The following AGBL2 variants were observed in gnomAD, a reference collection of about 807,000 sequenced individuals.
AGBL2 encodes the protein AGBL carboxypeptidase 2.
AGBL2 carries 87 observed loss-of-function variants against 103.0 expected under a neutral mutation model. The observed-to-expected ratio is 0.84, with a 90% CI of 0.71 to 1.01. The LOEUF (loss-of-function observed/expected upper bound fraction) is 1.01. AGBL2 is among the 50% of genes least tolerant of loss of function. The pLI is 0.00. For synonymous variants in AGBL2, 335 were observed against 356.7 expected (o/e 0.94, Z 0.69); for missense variants, 904 against 1,023.5 (o/e 0.88, Z 1.59).
chr11:47,704,341 G>A (rs1599078620), intron 7 of AGBL2, among the ~76,000 whole-genome samples: 1 of 151,846 alleles, frequency 6.6e-6, no homozygotes, highest in Admixed American at 6.6e-5. Context: ...TTAGCTGGGC[G>A]TGGTGGTGTG....
At chr11:47,678,419 T>C (rs912128243) in intron 13 of AGBL2, among the ~76,000 whole-genome samples, 10 of 149,154 alleles carry the variant, frequency 6.7e-5, no homozygotes, top group African/African-American at 2.5e-4. Context: ...CTGCAACCTC[T>C]GCCTCCCAGG....
At chr11:47,707,601 G>C (rs958338527) in intron 4 of AGBL2, among the ~76,000 whole-genome samples, 1 of 152,088 alleles carries the variant, frequency 6.6e-6, no homozygotes, top group Non-Finnish European at 1.5e-5. Flanking sequence ...CACAACACGT[G>C]GGAATTTAAG....
intron 13 of AGBL2, among the ~76,000 whole-genome samples, chr11:47,678,511 T>A (rs2097387148): frequency 6.7e-6 from 1 of 149,664 alleles, no homozygotes; most frequent in Non-Finnish European, 1.5e-5. Flanking sequence ...ATTTTTGTAT[T>A]TTTAGTAGAG....
intron 8 of AGBL2, among the ~76,000 whole-genome samples, chr11:47,696,404 A>C (rs2097474206): frequency 1.3e-5 from 2 of 151,876 alleles, no homozygotes; most frequent in African/African-American, 2.4e-5. Flanking sequence ...CTGGGACTAC[A>C]GGTGCGCACC....
chr11:47,709,429 GAGA>G (rs888379029), intron 4 of AGBL2, among the ~76,000 whole-genome samples: 2 of 152,056 alleles, frequency 1.3e-5, no homozygotes, highest in African/African-American at 4.8e-5. Context: ...TGGTTTGAGG[GAGA>G]AGTTCAACTG....
chr11:47,679,902 A>G (rs2097394749), intron 13 of AGBL2, 71 bp downstream of exon 13: 1 of 1,009,520 alleles, frequency 9.9e-7, no homozygotes, highest in East Asian at 2.5e-5. Flanking sequence ...TCAGCCTCCC[A>G]AAGTGCTAGG....
intron 1 of AGBL2, 143 bp from the exon 2 acceptor site, chr11:47,714,893 C>T: frequency 1.8e-6 from 1 of 543,118 alleles, no homozygotes; most frequent in Non-Finnish European, 3.3e-6. Flanking sequence ...AGAGGTGCAT[C>T]TGAGACAGGG....
At chr11:47,704,348 T>C (rs1396276467) in intron 7 of AGBL2, among the ~76,000 whole-genome samples, 195 bp downstream of exon 7, 1 of 151,306 alleles carries the variant, frequency 6.6e-6, no homozygotes, top group African/African-American at 2.4e-5. Flanking sequence ...GGCGTGGTGG[T>C]GTGCGCCTGT....
intron 14 of AGBL2, among the ~76,000 whole-genome samples, chr11:47,671,360 CA>C (rs574965604): frequency 3.4e-5 from 5 of 148,480 alleles, no homozygotes; most frequent in South Asian, 4.2e-4. Context: ...ACTAAAAATA[CA>C]AAAAAAAAAT....
Position 47,668,835 on chromosome 11 carries a change from G to T in AGBL2, c.2214+6C>A, listed in dbSNP as rs749633475. Reference sequence around the variant, plus strand: ...GCTATTTCCTGGGTATAAGAGTTCAGCTTACCTCATCTGCTATGTTTGCTA... The same window carrying T: ...GCTATTTCCTGGGTATAAGAGTTCATCTTACCTCATCTGCTATGTTTGCTA... On this transcript the variant is annotated splice_donor_region_variant and intron_variant, in intron 15 of 18. Coordinates refer to ENST00000525123, the MANE Select transcript of AGBL2 (RefSeq NM_024783.4). 16 of 1,610,732 alleles carry T rather than the reference G, an allele frequency of 9.9e-6. No homozygotes were observed. The highest frequency in any genetic ancestry group is 4.4e-5 in the South Asian group (4 of 91,004).
In AGBL2 at chr11:47,690,823, T is replaced by A. The variant is rs1456366877; in HGVS notation, c.884A>T (p.Asp295Val). The A allele has an allele frequency of 1.2e-6, 2 of 1,612,918 alleles. No individual in the cohort carries two copies. The highest frequency in any genetic ancestry group is 2.7e-5 in the African/African-American group (2 of 74,982). ...TYEYELTLRT[D>V]LYTNKHTQWF... ...CTGAGTGTGTTTGTTAGTGTAGAGG[T>A]CAGTTCGCAAGGTGAGTTCATACTC... The change falls in exon 10 of 19, where the codon GAC becomes GTC. Residue 295 changes from aspartate to valine, a missense_variant. Asp to Val is a radical substitution (Grantham distance 152). Transcript: ENST00000525123.
intron 11 of AGBL2, among the ~76,000 whole-genome samples, chr11:47,683,177 C>T (rs4752859): frequency 0.017 from 2,551 of 151,900 alleles, 71 homozygotes; most frequent in African/African-American, 0.058. Flanking sequence ...TTGAGACCAG[C>T]CTGGCCAAGA....
At chr11:47,698,583 G>A (rs891244967) in intron 8 of AGBL2, among the ~76,000 whole-genome samples, 3 of 151,994 alleles carry the variant, frequency 2.0e-5, no homozygotes, top group Admixed American at 2.0e-4. Flanking sequence ...AGCCTTTTTC[G>A]TTTTGAAATT....
intron 11 of AGBL2, 130 bp downstream of exon 11, chr11:47,685,763 G>T: frequency 9.8e-7 from 1 of 1,015,538 alleles, no homozygotes; most frequent in Non-Finnish European, 1.4e-6. Flanking sequence ...AATTCTTGAA[G>T]TCTAGGTTGC....
At chr11:47,684,053 C>T (rs954022933) in intron 11 of AGBL2, among the ~76,000 whole-genome samples, 3 of 151,988 alleles carry the variant, frequency 2.0e-5, no homozygotes, top group Non-Finnish European at 4.4e-5. Context: ...GAGTTTGAGA[C>T]CAGCCTGGCC....
rs1195965382 is a variant in AGBL2, at chr11:47,714,654, A to G, written c.-4T>C. The stretch of plus-strand genomic sequence containing the variant: ...GCGTTTCCAAAGCTGGGAACATGTT[A>G]CTTCTGGATGGTAGGCTGAAAACTA... On this transcript the variant is annotated 5_prime_UTR_variant, in exon 2 of 19. The change abolishes the stop of an existing upstream ORF in the 5' untranslated region. Coordinates refer to ENST00000525123, the MANE Select transcript of AGBL2 (RefSeq NM_024783.4). 6.2e-7 allele frequency: 1 copy of G among 1,613,712 alleles called. No homozygotes were observed. Among genetic ancestry groups the G allele is most frequent in the Non-Finnish European group, 8.5e-7 (1 of 1,179,946 alleles).
Position 47,668,891 on chromosome 11 carries a change from T to A in AGBL2, c.2164A>T (p.Ser722Cys), listed in dbSNP as rs1467076171. ...DIESSTSGSD[S>C]SLSDGLPVHL... ...ACAGGAAGACCATCTGAGAGAGAAC[T>A]GTCAGAGCCACTGGTGCTGTTTCCA... Residue 722 changes from serine to cysteine, a missense_variant, in exon 15 of 19, where the codon AGT becomes TGT. Transcript: ENST00000525123. 2.5e-6 allele frequency: 4 copies of A among 1,613,042 alleles called. No individual in the cohort carries two copies. The highest frequency in any genetic ancestry group is 1.7e-5 in the Admixed American group (1 of 59,950).
chr11:47,691,755 T>TATAA (rs1227109655), intron 9 of AGBL2, among the ~76,000 whole-genome samples: 1 of 75,222 alleles, frequency 1.3e-5, no homozygotes, highest in Non-Finnish European at 2.6e-5. Context: ...TATATATATA[T>TATAA]AATTTGTGCA....
chr11:47,692,592 T>A (rs2097452216), intron 8 of AGBL2, among the ~76,000 whole-genome samples: 1 of 151,390 alleles, frequency 6.6e-6, no homozygotes, highest in Non-Finnish European at 1.5e-5. Flanking sequence ...TTTTGTATAT[T>A]TAGTAGAGAC....
Sources: gnomAD v4.1 joint callset for allele counts (sites outside exome capture counted in the v4.1 genomes callset) on GRCh38, gnomAD v4.1.1 for gene constraint, MANE v1.5 for transcripts, NCBI Gene and HGNC (gene_info 2026-07-23, HGNC 2026-07-21) for gene names.